Variants in LRBA observed in about 807,000 individuals in gnomAD.
LRBA encodes lipopolysaccharide-responsive and beige-like anchor protein.
In LRBA, 176 loss-of-function variants were observed where a neutral mutation model predicts 330.0. The ratio of observed to expected loss-of-function variants is 0.53; its 90% CI spans 0.47 to 0.60. The LOEUF is 0.60. LRBA is among the 20% of genes least tolerant of loss of function. The probability of loss-of-function intolerance (pLI) is 0.00; values close to 1 mark genes in which losing one functional copy is unlikely to be tolerated. For missense variants in LRBA, 3,259 were observed against 3,444.8 expected (o/e 0.95, Z 1.35); for synonymous variants, 1,230 against 1,193.0 (o/e 1.03, Z -0.64).
Position 150,668,104 on chromosome 4 carries a change from T to C in LRBA, c.5921+15447A>G, listed in dbSNP as rs76763980. Among the ~76,000 whole-genome samples, 1,163 of 152,324 alleles carry C rather than the reference T, an allele frequency of 7.6e-3. 6 individuals are homozygous for C. Among genetic ancestry groups the C allele is most frequent in the Non-Finnish European group, 0.013 (885 of 68,028 alleles). The stretch of plus-strand genomic sequence containing the variant: ...CTACAGTAAAAGTTCCTGATAATGA[T>C]GGAGGTAAAAATGGCCTCTGGAAGT... On this transcript the variant is annotated intron_variant, in intron 37 of 56. Transcript: ENST00000651943.
intron 35 of LRBA, among the ~76,000 whole-genome samples, chr4:150,750,530 A>T (rs529431620): frequency 2.0e-5 from 3 of 152,084 alleles, no homozygotes; most frequent in Admixed American, 1.3e-4. Context: ...GGGTCTTGCT[A>T]TGTTGTCCAG....
At chr4:150,730,413 T>G (rs1220073341) in intron 36 of LRBA, among the ~76,000 whole-genome samples, 2 of 152,126 alleles carry the variant, frequency 1.3e-5, no homozygotes, top group Non-Finnish European at 2.9e-5. Flanking sequence ...CCGGGTGCAG[T>G]GGCTCATGTC....
chr4:150,480,277 T>A (rs529508054), intron 42 of LRBA, among the ~76,000 whole-genome samples: 19 of 152,248 alleles, frequency 1.2e-4, no homozygotes, highest in African/African-American at 4.3e-4. Flanking sequence ...CATTTTAACA[T>A]TTCTCTCAGA....
At chr4:150,915,294 C>T (rs1316221463) in intron 8 of LRBA, among the ~76,000 whole-genome samples, 1 of 152,048 alleles carries the variant, frequency 6.6e-6, no homozygotes, top group African/African-American at 2.4e-5. Flanking sequence ...TCATTTAACT[C>T]ATTCAGAAAA....
chr4:150,713,175 A>G (rs905426505), intron 36 of LRBA, among the ~76,000 whole-genome samples: 1 of 152,114 alleles, frequency 6.6e-6, no homozygotes, highest in East Asian at 1.9e-4. Context: ...GGGTCATGCA[A>G]TCCTCCTGCT....
intron 47 of LRBA, among the ~76,000 whole-genome samples, chr4:150,411,852 C>T (rs1182342521): frequency 6.6e-6 from 1 of 152,138 alleles, no homozygotes; most frequent in Non-Finnish European, 1.5e-5. Flanking sequence ...GAGCTGCAAT[C>T]ATTGCATAAA....
At chr4:150,805,336 AAGGAG>A (rs1742482330) in intron 33 of LRBA, among the ~76,000 whole-genome samples, 1 of 130,270 alleles carries the variant, frequency 7.7e-6, no homozygotes, top group African/African-American at 3.2e-5. Flanking sequence ...AAGGAAAGGA[AAGGAG>A]AAGGAGAAGG....
At chr4:150,832,472 T>C (rs1051999414) in intron 28 of LRBA, among the ~76,000 whole-genome samples, 2 of 152,112 alleles carry the variant, frequency 1.3e-5, no homozygotes, top group African/African-American at 4.8e-5. Flanking sequence ...GGCACATGCC[T>C]GTAATCCCAG....
In LRBA at chr4:150,828,471, G is replaced by A. The variant is rs1746612135; in HGVS notation, c.4880C>T (p.Pro1627Leu). 1 of 1,614,012 alleles carries A rather than the reference G, an allele frequency of 6.2e-7. No individual in the cohort carries two copies. The highest frequency in any genetic ancestry group is 1.1e-5 in the South Asian group (1 of 91,086). Residue 1627 changes from proline to leucine, a missense_variant, in exon 30 of 57, where the codon CCT (proline) becomes CTT (leucine). Transcript: ENST00000651943. Reference protein sequence around the residue: ...SHVEVTPHTAPPGVSAGPDAI... With the variant: ...SHVEVTPHTALPGVSAGPDAI... ...ATCTGGGCCTGCACTGACACCAGGA[G>A]GTGCTGTGTGAGGAGTTACTTCCAC...
intron 35 of LRBA, 50 bp downstream of exon 35, chr4:150,761,733 C>A: frequency 7.9e-7 from 1 of 1,260,146 alleles, no homozygotes; most frequent in Non-Finnish European, 1.1e-6. Flanking sequence ...ATAGGAAAAA[C>A]CCAAGATTTT....
At chr4:150,524,804 T>C (rs1001497626) in intron 40 of LRBA, among the ~76,000 whole-genome samples, 1 of 152,154 alleles carries the variant, frequency 6.6e-6, no homozygotes, top group African/African-American at 2.4e-5. Context: ...ATTAATTAGA[T>C]GCCAAGGTTT....
intron 47 of LRBA, among the ~76,000 whole-genome samples, chr4:150,386,182 G>A (rs375618412): frequency 5.7e-4 from 86 of 151,540 alleles, no homozygotes; most frequent in African/African-American, 2.1e-3. Context: ...ATCAAAATCA[G>A]CATTCTCCAT....
chr4:150,577,369 T>C (rs1770674548), intron 40 of LRBA, among the ~76,000 whole-genome samples: 2 of 151,912 alleles, frequency 1.3e-5, no homozygotes, highest in African/African-American at 4.8e-5. Flanking sequence ...AATAGTGTTT[T>C]ATTTCCTCAT....
In LRBA at chr4:150,435,621, G is replaced by A. The variant is rs1268711491; in HGVS notation, c.7009C>T (p.Arg2337Ter). The change falls in exon 46 of 57, where the codon CGA becomes TGA. Residue 2337 changes from arginine to a stop codon, truncating the protein, a stop_gained. Coordinates refer to ENST00000651943, the MANE Select transcript of LRBA (RefSeq NM_001364905.1). LOFTEE classifies it high-confidence loss of function. ...RTFSSISRAWRNSQRDTSDIK... is the reference protein window; with the variant it reads ...RTFSSISRAW Reference sequence around the variant, plus strand: ...TCAGAGGTATCACGCTGACTGTTTCGCCAAGCTCTGGAAATTGATGAAAAA... The same window carrying A: ...TCAGAGGTATCACGCTGACTGTTTCACCAAGCTCTGGAAATTGATGAAAAA... 5 of 1,612,214 alleles carry A rather than the reference G, an allele frequency of 3.1e-6. No homozygotes were observed. Among genetic ancestry groups the A allele is most frequent in the East Asian group, 2.2e-5 (1 of 44,810 alleles).
At chr4:150,865,716 T>C (rs1439114147) in intron 22 of LRBA, among the ~76,000 whole-genome samples, 2 of 146,432 alleles carry the variant, frequency 1.4e-5, no homozygotes, top group African/African-American at 2.7e-5. Context: ...GGCAATATAT[T>C]CTTTTTTTTT....
chr4:150,761,327 A>G (rs182604340), intron 35 of LRBA, among the ~76,000 whole-genome samples: 1 of 152,190 alleles, frequency 6.6e-6, no homozygotes. Flanking sequence ...TTCTTTAAGT[A>G]GAAAATATAC....
chr4:150,499,247 T>C (rs1759950185), intron 40 of LRBA, among the ~76,000 whole-genome samples: 1 of 152,322 alleles, frequency 6.6e-6, no homozygotes, highest in South Asian at 2.1e-4. Flanking sequence ...ATAATATAAA[T>C]TTTCCCTTTA....
chr4:150,299,846 C>T (rs986755737), intron 53 of LRBA, among the ~76,000 whole-genome samples: 2 of 151,962 alleles, frequency 1.3e-5, no homozygotes, highest in African/African-American at 4.8e-5. Flanking sequence ...TATTAATGTG[C>T]ATTTATAGAA....
At chr4:150,757,890 G>A (rs1273181474) in intron 35 of LRBA, among the ~76,000 whole-genome samples, 1 of 152,066 alleles carries the variant, frequency 6.6e-6, no homozygotes, top group African/African-American at 2.4e-5. Flanking sequence ...TATAGGCTAA[G>A]CACTGAAGTA....
Sources: gnomAD v4.1 joint callset for allele counts (sites outside exome capture counted in the v4.1 genomes callset) on GRCh38, gnomAD v4.1.1 for gene constraint, MANE v1.5 for transcripts, NCBI Gene and HGNC (gene_info 2026-07-23, HGNC 2026-07-21) for gene names.